GP6: variants seen among roughly 807,000 people sequenced by gnomAD.
GP6 encodes the protein platelet glycoprotein VI.
GP6 carries 45 observed loss-of-function variants against 37.3 expected under a neutral mutation model. That is an observed-to-expected ratio of 1.21 (90% CI 0.95 to 1.55). GP6 has a LOEUF of 1.55. Among genes scored for constraint, GP6 ranks in the 40% most tolerant of loss-of-function variants. The pLI is 0.00. For missense variants in GP6, 813 were observed against 760.2 expected, an observed-to-expected ratio of 1.07 and a Z score of -0.82; for synonymous variants, 340 against 316.4, an observed-to-expected ratio of 1.07 and a Z score of -0.79.
intron 6 of GP6, among the ~76,000 whole-genome samples, chr19:55,018,300 C>T (rs529795127): frequency 2.0e-5 from 3 of 152,298 alleles, no homozygotes; most frequent in South Asian, 4.1e-4. Flanking sequence ...AGTCTGTGTG[C>T]GTCCGAGCAT....
intron 5 of GP6, among the ~76,000 whole-genome samples, chr19:55,020,964 A>G (rs1033529228): frequency 1.3e-5 from 2 of 151,430 alleles, no homozygotes; most frequent in Non-Finnish European, 2.9e-5. Context: ...AGGCAGGAGA[A>G]TCACTTGAAC....
Position 55,032,369 on chromosome 19 carries a change from G to A in GP6, c.95C>T (p.Ala32Val), listed in dbSNP as rs1179561350. ...CAGGGGCACCAGGGAGCTGGGCAGA[G>A]CCTGGAGGGAGGGCTTGGGGAGCGG... Residue 32 changes from alanine to valine, a missense_variant, in exon 3 of 8, where the codon GCT (alanine) becomes GTT (valine). Ala to Val is a moderately conservative substitution (Grantham distance 64). Transcript: ENST00000310373. 6.2e-7 allele frequency: 1 copy of A among 1,613,650 alleles called. No homozygotes were observed. The highest frequency in any genetic ancestry group is 1.7e-5 in the Admixed American group (1 of 60,012).
chr19:55,025,838 C>T lies in GP6; in HGVS notation c.611-567G>A, dbSNP rs541385406. On this transcript the variant is annotated intron_variant, in intron 4 of 7. Coordinates refer to ENST00000310373, the MANE Select transcript of GP6 (RefSeq NM_001083899.2). ...CCAACATGGTGAAACCCTGTCTCTA[C>T]GAAAAATACAAAAATTAGCTGGGCA... Among the ~76,000 whole-genome samples the T allele has an allele frequency of 5.9e-5, 9 of 151,894 alleles. No homozygotes were observed. The East Asian group carries it at 1.2e-3, about 20-fold the overall frequency.
chr19:55,033,261 GAC>G (rs2074670124), intron 1 of GP6, among the ~76,000 whole-genome samples: 1 of 92,520 alleles, frequency 1.1e-5, no homozygotes, highest in Non-Finnish European at 2.1e-5. Flanking sequence ...GTTCGTGTTA[GAC>G]ACGGTGGACT....
intron 7 of GP6, among the ~76,000 whole-genome samples, 153 bp from the exon 8 acceptor site, chr19:55,015,318 G>A (rs1043943855): frequency 9.9e-5 from 15 of 152,260 alleles, no homozygotes; most frequent in African/African-American, 3.6e-4. Flanking sequence ...CCCGAGTAGG[G>A]GTCAGGGCCA....
At position 55,014,418 on chromosome 19, in the gene GP6, C is replaced by T. The variant is rs753756120; in HGVS notation, c.1527G>A (p.Thr509=). 1.2e-5 allele frequency: 20 copies of T among 1,613,396 alleles called. No homozygotes were observed. Among genetic ancestry groups the T allele is most frequent in the Non-Finnish European group, 1.5e-5 (18 of 1,179,462 alleles). The change falls in exon 8 of 8, where the codon ACG becomes ACA. Residue 509 remains threonine (T), a synonymous_variant. Transcript: ENST00000310373. Reference sequence around the variant, plus strand: ...ACATACCCAAACTGCCTGCAAGACCCGTTCTGAGAGACGAAAGGAGATTTG... The same window carrying T: ...ACATACCCAAACTGCCTGCAAGACCTGTTCTGAGAGACGAAAGGAGATTTG...
intron 3 of GP6, among the ~76,000 whole-genome samples, chr19:55,031,067 TG>T (rs1234478018): frequency 6.6e-6 from 1 of 151,922 alleles, no homozygotes; most frequent in African/African-American, 2.4e-5. Flanking sequence ...AGGCTGGTCT[TG>T]AACTCCTGAG....
Position 55,035,024 on chromosome 19 carries a change from G to A in GP6, c.35-2486C>T, listed in dbSNP as rs150470112. 1.9e-3 allele frequency among the ~76,000 whole-genome samples: 283 copies of A among 152,216 alleles called. 1 individual carries two copies. The highest frequency in any genetic ancestry group is 6.5e-3 in the African/African-American group (269 of 41,534). ...GCCTCTTTGTAGGTTTCCATGCGAC[G>A]CTGTACCATGGCTGGGAGTCTTCCA... On this transcript the variant is annotated intron_variant, in intron 1 of 7. Transcript: ENST00000310373.
intron 5 of GP6, among the ~76,000 whole-genome samples, chr19:55,024,366 G>GCACGCACACACGCACA (rs1555799022): frequency 2.9e-5 from 4 of 137,128 alleles, no homozygotes; most frequent in Non-Finnish European, 6.4e-5. Flanking sequence ...ACACACATAT[G>GCACGCACACACGCACA]CACGCACACA....
chr19:55,034,111 TAC>T lies in GP6; in HGVS notation c.35-1575_35-1574del, dbSNP rs1003652193. 1.7e-3 allele frequency among the ~76,000 whole-genome samples: 244 copies of T among 143,888 alleles called. 1 individual carries two copies. Among genetic ancestry groups the T allele is most frequent in the African/African-American group, 5.4e-3 (207 of 38,368 alleles). 94.4% of individuals were successfully genotyped at this position (143,888 alleles called of 152,430 possible). On this transcript the variant is annotated intron_variant, in intron 1 of 7. Coordinates refer to ENST00000310373, the MANE Select transcript of GP6 (RefSeq NM_001083899.2). ...GTATGTACATATACACGTGTGTACA[TAC>T]ACACGTGTATATGTATGTATATGTA...
Position 55,014,400 on chromosome 19 carries a change from C to T in GP6, c.1545G>A (p.Leu515=), listed in dbSNP as rs374982514. ...CACTAAGGAAAATGAATGACATACC[C>T]AAACTGCCTGCAAGACCCGTTCTGA... The change falls in exon 8 of 8, where the codon TTG becomes TTA. Residue 515 remains leucine, a synonymous_variant. Transcript: ENST00000310373. 2 of 1,613,732 alleles carry T rather than the reference C, an allele frequency of 1.2e-6. No individual in the cohort carries two copies. The highest frequency in any genetic ancestry group is 1.3e-5 in the African/African-American group (1 of 75,018).
chr19:55,024,289 T>TGCACGCACACGCACATGCACGCACAC, intron 5 of GP6, among the ~76,000 whole-genome samples: 6 of 102,000 alleles, frequency 5.9e-5, no homozygotes, highest in East Asian at 2.5e-4. Flanking sequence ...CACACACACA[T>TGCACGCACACGCACATGCACGCACAC]ATGCACGCAT....
At chr19:55,021,797 G>A (rs2074097881) in intron 5 of GP6, among the ~76,000 whole-genome samples, 1 of 152,118 alleles carries the variant, frequency 6.6e-6, no homozygotes, top group African/African-American at 2.4e-5. Flanking sequence ...TGGGATTACC[G>A]GCGTGAGCCA....
chr19:55,032,538 C>T lies in GP6; in HGVS notation c.35G>A (p.Gly12Glu). The T allele has an allele frequency of 6.2e-7, 1 of 1,613,730 alleles. No homozygotes were observed. Among genetic ancestry groups the T allele is most frequent in the Non-Finnish European group, 8.5e-7 (1 of 1,179,978 alleles). The change falls in exon 2 of 8, where the codon GGG (glycine) becomes GAG (glutamate). Residue 12 changes from glycine (G) to glutamate (E), a missense_variant and splice_region_variant. Coordinates refer to ENST00000310373, the MANE Select transcript of GP6 (RefSeq NM_001083899.2). ...CGCTGGCACACGCCCCAGACACAGC[C>T]CTGAGGAAAGAAGAAAGGGACCAGA...
chr19:55,038,177 T>G (rs771190311), intron 1 of GP6, 26 bp downstream of exon 1: 1 of 1,564,416 alleles, frequency 6.4e-7, no homozygotes, highest in East Asian at 2.3e-5. Flanking sequence ...CTTCAGCATT[T>G]CCCAGATCTG....
Position 55,032,192 on chromosome 19 carries a change from T to C in GP6, c.272A>G (p.Gln91Arg), listed in dbSNP as rs766494410. The C allele has an allele frequency of 1.9e-6, 3 of 1,613,922 alleles. No individual in the cohort carries two copies. The highest frequency in any genetic ancestry group is 2.5e-6 in the Non-Finnish European group (3 of 1,179,954). The change falls in exon 3 of 8, where the codon CAG becomes CGG. Residue 91 changes from glutamine (Q) to arginine (R), a missense_variant. Gln to Arg is a conservative substitution (Grantham distance 43). Transcript: ENST00000310373. The stretch of plus-strand genomic sequence containing the variant: ...GGGCAGGGACCAGAGGCTTCCGTTC[T>C]GGTAGGAGCAGCGGTAGCGTCCAGC...
At chr19:55,033,665 T>C (rs2074699423) in intron 1 of GP6, among the ~76,000 whole-genome samples, 2 of 152,332 alleles carry the variant, frequency 1.3e-5, no homozygotes, top group Admixed American at 6.5e-5. Flanking sequence ...AATATCCAAG[T>C]ACATTACAAT....
chr19:55,016,247 G>A (rs1454406377), intron 6 of GP6, among the ~76,000 whole-genome samples: 1 of 152,006 alleles, frequency 6.6e-6, no homozygotes, highest in African/African-American at 2.4e-5. Flanking sequence ...CAGCATCTGT[G>A]AGCCAGTTCC....
At chr19:55,025,116 G>T (rs1029445233) in intron 5 of GP6, 102 bp downstream of exon 5, 8 of 748,464 alleles carry the variant, frequency 1.1e-5, no homozygotes, top group East Asian at 5.4e-5. Context: ...ATCTGTGAAA[G>T]AACCAACTGA....
Sources: allele counts gnomAD v4.1 joint callset (sites outside exome capture counted in the v4.1 genomes callset), GRCh38; gene constraint gnomAD v4.1.1; transcripts MANE v1.5; gene names NCBI Gene and HGNC (gene_info 2026-07-23, HGNC 2026-07-21).